Variants in KNTC1 observed in about 807,000 individuals in gnomAD.
The protein encoded by KNTC1 is kinetochore associated 1.
KNTC1 carries 253 observed loss-of-function variants against 314.4 expected under a neutral mutation model. The ratio of observed to expected loss-of-function variants is 0.80; its 90% CI spans 0.73 to 0.89. The LOEUF is 0.89. Ranked by LOEUF, KNTC1 falls within the 40% of genes least tolerant of loss-of-function variation. The pLI is 0.00. For synonymous variants in KNTC1, 901 were observed against 901.4 expected (o/e 1.00, Z 0.01); for missense variants, 2,475 against 2,572.9 (o/e 0.96, Z 0.82).
Position 122,601,550 on chromosome 12 carries a change from CTA to C in KNTC1, c.4580_4581del (p.Tyr1527Ter), listed in dbSNP as rs1871904108. ...TTTTTATACAGTTGGATCCTTATGA[CTA>C]TGAAATGATTGAAGTTGTCTTGAAA... ...GILHKLDPYD[Y>X]EMIEVVLKVI... is the part of the protein sequence containing the mutation. On this transcript the variant is annotated frameshift_variant, in exon 45 of 64. Transcript: ENST00000333479. LOFTEE classifies it high-confidence loss of function. 2.0e-6 allele frequency: 3 copies of C among 1,533,454 alleles called. No homozygotes were observed. The highest frequency in any genetic ancestry group is 1.3e-5 in the South Asian group (1 of 78,888). 95.0% of individuals were successfully genotyped at this position (1,533,454 alleles called of 1,614,324 possible). A position where few individuals can be genotyped will look rare whatever the true frequency, so the allele number is the denominator to read the frequency against.
intron 42 of KNTC1, among the ~76,000 whole-genome samples, chr12:122,592,334 A>G (rs1870363841): frequency 6.6e-6 from 1 of 152,132 alleles, no homozygotes; most frequent in South Asian, 2.1e-4. Context: ...GTGCAGCCCG[A>G]GCCTCCCCGA....
chr12:122,563,494 G>A (rs899824408), intron 20 of KNTC1, among the ~76,000 whole-genome samples: 1 of 151,998 alleles, frequency 6.6e-6, no homozygotes, highest in African/African-American at 2.4e-5. Flanking sequence ...TACAACAGCT[G>A]CTCCAAGACA....
intron 63 of KNTC1, among the ~76,000 whole-genome samples, chr12:122,625,906 G>A (rs35685258): frequency 0.2 from 30,108 of 152,054 alleles, 3,438 homozygotes; most frequent in East Asian, 0.46. Flanking sequence ...CTTTGGTCCA[G>A]ATCAGGCATA....
intron 31 of KNTC1, among the ~76,000 whole-genome samples, chr12:122,579,678 G>C (rs191983487): frequency 2.0e-5 from 3 of 152,188 alleles, no homozygotes; most frequent in African/African-American, 7.2e-5. Context: ...AGGTTATTTG[G>C]GAGAGTTGCA....
intron 40 of KNTC1, among the ~76,000 whole-genome samples, chr12:122,589,303 C>T (rs1366815198): frequency 6.6e-6 from 1 of 151,762 alleles, no homozygotes; most frequent in Non-Finnish European, 1.5e-5. Flanking sequence ...CCTAATTTTC[C>T]ATTACCCTTT....
Position 122,534,698 on chromosome 12 carries a change from T to G in KNTC1, c.164T>G (p.Leu55Ter), listed in dbSNP as rs1215294760. The change falls in exon 3 of 64, where the codon TTA becomes TGA. Residue 55 changes from leucine to a stop codon, truncating the protein, a stop_gained. Coordinates refer to ENST00000333479, the MANE Select transcript of KNTC1 (RefSeq NM_014708.6). LOFTEE classifies it high-confidence loss of function. ...SLNPKIQACS[L>*]SDGFIIVADQ... is the part of the protein sequence containing the mutation. ...AATCCAAAGATACAGGCATGCAGCTTAAGTGATGGGTTTATTATTGTAGCC... is the reference window on the plus strand; with the variant it reads ...AATCCAAAGATACAGGCATGCAGCTGAAGTGATGGGTTTATTATTGTAGCC... The G allele has an allele frequency of 6.2e-7, 1 of 1,610,954 alleles. No homozygotes were observed. The highest frequency in any genetic ancestry group is 8.5e-7 in the Non-Finnish European group (1 of 1,178,090).
chr12:122,533,944 CTT>C (rs1565926702), intron 2 of KNTC1, among the ~76,000 whole-genome samples: 1 of 152,090 alleles, frequency 6.6e-6, no homozygotes, highest in East Asian at 1.9e-4. Flanking sequence ...TATTGTTACT[CTT>C]TTACATGGAG....
intron 57 of KNTC1, chr12:122,617,414 G>A (rs1873884613): frequency 2.2e-6 from 1 of 449,970 alleles, no homozygotes; most frequent in African/African-American, 2.0e-5. Flanking sequence ...TAGAGATGGA[G>A]GTCTTGCTAT....
intron 21 of KNTC1, 145 bp downstream of exon 21, chr12:122,568,517 T>C (rs909036171): frequency 1.4e-6 from 1 of 703,828 alleles, no homozygotes; most frequent in Non-Finnish European, 2.5e-6. Context: ...TTGCTTTTGT[T>C]TGTAAAGGGC....
At position 122,547,469 on chromosome 12, in the gene KNTC1, T is replaced by C; in HGVS notation, c.871T>C (p.Ser291Pro). ...TCTAACTCCTGTATGGAACTGGCCC[T>C]CTCTTCACGTAGAAGAGTTTCTTCT... The part of the protein sequence containing the change: ...YTLTPVWNWP[S>P]LHVEEFLLTT... Residue 291 changes from serine to proline, a missense_variant, in exon 11 of 64, where the codon TCT (serine) becomes CCT (proline). By Grantham distance (74) the Ser-to-Pro change is moderately conservative (BLOSUM62 -1). Transcript: ENST00000333479. The C allele has an allele frequency of 6.2e-7, 1 of 1,613,404 alleles. No homozygotes were observed. Among genetic ancestry groups the C allele is most frequent in the Non-Finnish European group, 8.5e-7 (1 of 1,179,454 alleles).
chr12:122,577,535 G>A (rs1235093601), intron 30 of KNTC1, 137 bp from the exon 31 acceptor site: 1 of 916,596 alleles, frequency 1.1e-6, no homozygotes, highest in Non-Finnish European at 1.6e-6. Context: ...TGGATTTTCG[G>A]ATTATTAAAA....
chr12:122,593,685 G>C (rs1870639612), intron 42 of KNTC1: 1 of 152,134 alleles, frequency 6.6e-6, no homozygotes, highest in African/African-American at 2.4e-5. Flanking sequence ...GCTCACTGCA[G>C]CCTTGACCTC....
In KNTC1 at chr12:122,604,938, C is replaced by G. The variant is rs749726386; in HGVS notation, c.5237C>G (p.Ser1746Trp). 13 of 1,610,846 alleles carry G rather than the reference C, an allele frequency of 8.1e-6. No homozygotes were observed. The highest frequency in any genetic ancestry group is 1.1e-5 in the Non-Finnish European group (13 of 1,178,540). Reference sequence around the variant, plus strand: ...AAGCTTCATATCCAGTACCGGCGATCGGGCACAGAAGCTGTGCTCATAGCC... The same window carrying G: ...AAGCTTCATATCCAGTACCGGCGATGGGGCACAGAAGCTGTGCTCATAGCC... ...LKKLHIQYRR[S>W]GTEAVLIAHK... is the part of the protein sequence containing the mutation. Residue 1746 changes from serine to tryptophan, a missense_variant, in exon 50 of 64, where the codon TCG (serine) becomes TGG (tryptophan). By Grantham distance (177) the Ser-to-Trp change is radical. Transcript: ENST00000333479.
chr12:122,617,752 T>C (rs1003799976), intron 57 of KNTC1, among the ~76,000 whole-genome samples: 1 of 152,190 alleles, frequency 6.6e-6, no homozygotes, highest in African/African-American at 2.4e-5. Context: ...CAGGGAGATA[T>C]CAGCTTATGA....
intron 63 of KNTC1, 81 bp downstream of exon 63, chr12:122,624,769 A>G (rs1250825498): frequency 1.1e-6 from 1 of 933,124 alleles, no homozygotes; most frequent in Non-Finnish European, 1.8e-6. Context: ...AGCCTTTTCT[A>G]GTGTTCTGGA....
rs1565946354 is a variant in KNTC1 at position 122,551,440 on chromosome 12, A to C, written c.1131-18A>C. 6.4e-7 allele frequency: 1 copy of C among 1,565,226 alleles called. No homozygotes were observed. On this transcript the variant is annotated intron_variant, in intron 14 of 63. Transcript: ENST00000333479. ...AATATTAAAAGACAAGCGCATTTAT[A>C]GTTAAAATTTTTTCTAGATTGTCTG...
chr12:122,602,880 T>C lies in KNTC1; in HGVS notation c.4877T>C (p.Leu1626Ser), dbSNP rs1872124936. The C allele has an allele frequency of 6.3e-7, 1 of 1,597,926 alleles. No homozygotes were observed. The highest frequency in any genetic ancestry group is 8.6e-7 in the Non-Finnish European group (1 of 1,165,734). Residue 1626 changes from leucine (L) to serine (S), a missense_variant, in exon 47 of 64, where the codon TTA (leucine) becomes TCA (serine). Transcript: ENST00000333479. ...SFPTLLLISK[L>S]MKFSLDTLYV... ...CCAACATTGCTCTTAATTTCGAAAT[T>C]AATGAAGGTAATGGATTAAAACATT... is the stretch of plus-strand genomic sequence containing the variant.
chr12:122,585,175 T>C (rs7310366), intron 36 of KNTC1, among the ~76,000 whole-genome samples, 185 bp downstream of exon 36: 68,997 of 151,768 alleles, frequency 0.45, 18,237 homozygotes, highest in African/African-American at 0.74. Context: ...GCTGGGACTA[T>C]AAGTGTGTGC....
At position 122,613,138 on chromosome 12, in the gene KNTC1, T is replaced by C. The variant is rs1401990252; in HGVS notation, c.5649T>C (p.Phe1883=). Residue 1883 remains phenylalanine (F), a synonymous_variant, in exon 54 of 64, where the codon TTT becomes TTC. Coordinates refer to ENST00000333479, the MANE Select transcript of KNTC1 (RefSeq NM_014708.6). ...CATTAGGTATGCATCAGTTAACTTT[T>C]GCCCATAGAACTCGAGCTCTTCAGT... ...TTTLGMHQLT[F]AHRTRALQCL... is the part of the protein sequence containing the mutation. The C allele has an allele frequency of 1.2e-6, 2 of 1,613,130 alleles. No individual in the cohort carries two copies. The highest frequency in any genetic ancestry group is 1.7e-5 in the Admixed American group (1 of 59,976).
Sources: gnomAD v4.1 joint callset for allele counts (sites outside exome capture counted in the v4.1 genomes callset) on GRCh38, gnomAD v4.1.1 for gene constraint, MANE v1.5 for transcripts, NCBI Gene and HGNC (gene_info 2026-07-23, HGNC 2026-07-21) for gene names.